The following TANGO6 variants were observed in gnomAD, a reference collection of about 807,000 sequenced individuals.
TANGO6 encodes the protein transport and Golgi organization protein 6 homolog.
Under a neutral mutation model 114.2 loss-of-function variants are expected in TANGO6, and 90 were observed. That is an observed-to-expected ratio of 0.79 (90% CI 0.66 to 0.94). TANGO6 has a LOEUF of 0.94. TANGO6 is among the 40% of genes least tolerant of loss of function. The pLI is 0.00. For missense variants in TANGO6, 1,274 were observed against 1,315.3 expected, an observed-to-expected ratio of 0.97 and a Z score of 0.49; for synonymous variants, 477 against 509.8, an observed-to-expected ratio of 0.94 and a Z score of 0.87.
At chr16:68,885,829 A>G (rs1016070189) in intron 7 of TANGO6, among the ~76,000 whole-genome samples, 2 of 152,232 alleles carry the variant, frequency 1.3e-5, no homozygotes, top group African/African-American at 4.8e-5. Context: ...GGCTCTTATG[A>G]ATAATGCTGC....
intron 15 of TANGO6, among the ~76,000 whole-genome samples, chr16:68,979,234 T>G (rs1963798749): frequency 6.7e-6 from 1 of 149,724 alleles, no homozygotes; most frequent in Non-Finnish European, 1.5e-5. Context: ...GTATATGAAT[T>G]TTTTTTTTTT....
intron 12 of TANGO6, among the ~76,000 whole-genome samples, chr16:68,922,407 G>A (rs1194881899): frequency 2.6e-5 from 4 of 151,942 alleles, no homozygotes; most frequent in Admixed American, 2.0e-4. Flanking sequence ...TTGGTGGCGC[G>A]TGCCTATAAT....
intron 17 of TANGO6, among the ~76,000 whole-genome samples, chr16:69,059,645 G>A (rs574018476): frequency 5.3e-5 from 8 of 151,816 alleles, no homozygotes; most frequent in Non-Finnish European, 7.4e-5. Context: ...TCAGCCTCCC[G>A]AGTAGCTGGG....
intron 15 of TANGO6, among the ~76,000 whole-genome samples, chr16:68,998,897 T>C (rs1410496060): frequency 6.6e-6 from 1 of 151,998 alleles, no homozygotes; most frequent in East Asian, 1.9e-4. Context: ...CTTTATTGAT[T>C]GATTGAGACA....
intron 11 of TANGO6, among the ~76,000 whole-genome samples, chr16:68,916,806 GA>G (rs1963012143): frequency 1.3e-5 from 2 of 151,976 alleles, no homozygotes; most frequent in African/African-American, 4.8e-5. Flanking sequence ...AAGAGACAGA[GA>G]TTTCCCTTAC....
At chr16:69,067,937 C>CAA (rs1217551130) in intron 17 of TANGO6, among the ~76,000 whole-genome samples, 23 of 66,566 alleles carry the variant, frequency 3.5e-4, no homozygotes, top group East Asian at 5.8e-4. Context: ...AACTCTGTCT[C>CAA]AAAAAAAAAA....
intron 15 of TANGO6, among the ~76,000 whole-genome samples, chr16:69,013,802 A>G (rs1300416354): frequency 2.6e-5 from 4 of 151,930 alleles, no homozygotes; most frequent in Non-Finnish European, 5.9e-5. Flanking sequence ...GACCACAGGC[A>G]TGTGCCACCA....
intron 15 of TANGO6, among the ~76,000 whole-genome samples, chr16:68,979,770 G>A (rs1200490675): frequency 6.6e-6 from 1 of 152,004 alleles, no homozygotes; most frequent in Non-Finnish European, 1.5e-5. Context: ...TGTATGTGGA[G>A]GGTGTGCATG....
At chr16:68,964,159 C>T (rs1453241510) in intron 14 of TANGO6, among the ~76,000 whole-genome samples, 4 of 151,798 alleles carry the variant, frequency 2.6e-5, no homozygotes, top group African/African-American at 9.7e-5. Context: ...TCAAAATATT[C>T]CCAACACAGA....
At position 68,874,044 on chromosome 16, in the gene TANGO6, A is replaced by T. The variant is rs200599794; in HGVS notation, c.995-1110A>T. Among the ~76,000 whole-genome samples, 15 of 152,268 alleles carry T rather than the reference A, an allele frequency of 9.9e-5. No individual in the cohort carries two copies. The East Asian group carries it at 2.9e-3, about 29-fold the overall frequency. On this transcript the variant is annotated intron_variant, in intron 4 of 17. Coordinates refer to ENST00000261778, the MANE Select transcript of TANGO6 (RefSeq NM_024562.2). ...AACACAACTCTTCCCAGCCTTTATG[A>T]ACCGTGGGGGTTGTTCCCCCCTACT...
chr16:68,923,451 G>C (rs1056596785), intron 12 of TANGO6, among the ~76,000 whole-genome samples: 4 of 152,116 alleles, frequency 2.6e-5, no homozygotes, highest in African/African-American at 9.7e-5. Context: ...AGAGAGGGAC[G>C]AGCCGCTGAA....
At chr16:68,876,070 A>G (rs1962352059) in intron 5 of TANGO6, among the ~76,000 whole-genome samples, 1 of 152,186 alleles carries the variant, frequency 6.6e-6, no homozygotes, top group Non-Finnish European at 1.5e-5. Flanking sequence ...TGCATATACC[A>G]TCATATGTGC....
chr16:69,025,523 C>A (rs1167993965), intron 16 of TANGO6, among the ~76,000 whole-genome samples: 1 of 152,114 alleles, frequency 6.6e-6, no homozygotes, highest in Non-Finnish European at 1.5e-5. Flanking sequence ...TATAGAAAAC[C>A]AATTAGGAAA....
At chr16:68,930,982 G>A (rs1005240188) in intron 14 of TANGO6, among the ~76,000 whole-genome samples, 1 of 152,172 alleles carries the variant, frequency 6.6e-6, no homozygotes, top group Non-Finnish European at 1.5e-5. Context: ...TAAGCTAAAA[G>A]AACTCAGGGT....
At chr16:68,956,400 T>C (rs1022668968) in intron 14 of TANGO6, among the ~76,000 whole-genome samples, 1 of 152,046 alleles carries the variant, frequency 6.6e-6, no homozygotes, top group East Asian at 1.9e-4. Flanking sequence ...CAGACCAAGT[T>C]TGAAGTAGGA....
intron 14 of TANGO6, among the ~76,000 whole-genome samples, chr16:68,972,079 T>G (rs764834790): frequency 6.6e-6 from 1 of 151,952 alleles, no homozygotes; most frequent in Non-Finnish European, 1.5e-5. Flanking sequence ...TGAATCTCTC[T>G]TAAGAGCAGA....
chr16:69,073,814 G>T (rs957180422), intron 17 of TANGO6, among the ~76,000 whole-genome samples: 1 of 152,098 alleles, frequency 6.6e-6, no homozygotes, highest in African/African-American at 2.4e-5. Context: ...AATTAGCTCG[G>T]CATGGTGGCG....
intron 8 of TANGO6, among the ~76,000 whole-genome samples, chr16:68,901,565 T>G (rs2152181773): frequency 6.6e-6 from 1 of 152,290 alleles, no homozygotes; most frequent in South Asian, 2.1e-4. Context: ...CTCGGCTCAC[T>G]GCAACCTCTG....
At chr16:69,077,223 T>G (rs1182551214) in intron 17 of TANGO6, among the ~76,000 whole-genome samples, 8 of 151,724 alleles carry the variant, frequency 5.3e-5, no homozygotes, top group Non-Finnish European at 1.2e-4. Context: ...TTTATTTTAT[T>G]TTATTTTTTT....
Sources: allele counts gnomAD v4.1 joint callset (sites outside exome capture counted in the v4.1 genomes callset), GRCh38; gene constraint gnomAD v4.1.1; transcripts MANE v1.5; gene names NCBI Gene and HGNC (gene_info 2026-07-23, HGNC 2026-07-21).